Variants in RARB observed in about 807,000 individuals in gnomAD.
The protein encoded by RARB is HBV-activated protein.
In RARB, 17 loss-of-function variants were observed where a neutral mutation model predicts 51.9. That is an observed-to-expected ratio of 0.33 (90% CI 0.22 to 0.49). RARB has a LOEUF of 0.49. Among genes scored for constraint, RARB ranks in the 20% least tolerant of loss-of-function variants. RARB has a pLI of 0.99. For synonymous variants in RARB, 215 were observed against 195.4 expected (o/e 1.10, Z -0.84); for missense variants, 369 against 550.8 (o/e 0.67, Z 3.30).
intron 2 of RARB, among the ~76,000 whole-genome samples, chr3:25,479,349 C>G (rs1696117795): frequency 6.6e-6 from 1 of 152,126 alleles, no homozygotes; most frequent in African/African-American, 2.4e-5. Flanking sequence ...TAAATGGCTG[C>G]TTTGTAAAAT....
At chr3:25,109,560 T>C (rs1409567476) in intron 3 of RARB, among the ~76,000 whole-genome samples, 3 of 152,344 alleles carry the variant, frequency 2.0e-5, no homozygotes, top group Admixed American at 6.5e-5. Context: ...TATTAAAATA[T>C]TGTTACTCAA....
intron 2 of RARB, among the ~76,000 whole-genome samples, chr3:24,932,119 A>C (rs552786909): frequency 6.6e-6 from 1 of 152,118 alleles, no homozygotes; most frequent in South Asian, 2.1e-4. Context: ...TTGTTTACCT[A>C]GTCCAAGTAC....
chr3:25,046,244 T>G (rs928556155), intron 2 of RARB, among the ~76,000 whole-genome samples: 1 of 152,194 alleles, frequency 6.6e-6, no homozygotes, highest in Non-Finnish European at 1.5e-5. Flanking sequence ...GCTCAAAGGC[T>G]TGTGTAATTT....
At chr3:25,491,197 G>A (rs964530030) in intron 2 of RARB, among the ~76,000 whole-genome samples, 23 of 152,244 alleles carry the variant, frequency 1.5e-4, no homozygotes, top group Admixed American at 9.1e-4. Flanking sequence ...GCGTAGATAT[G>A]TGTGCTGTTT....
chr3:24,952,870 C>G (rs1034803457), intron 2 of RARB, among the ~76,000 whole-genome samples: 2 of 144,224 alleles, frequency 1.4e-5, no homozygotes, highest in African/African-American at 5.1e-5. Context: ...AACAGTAAAA[C>G]TGGTATTTTT....
At chr3:24,892,026 A>G (rs988882933) in intron 2 of RARB, among the ~76,000 whole-genome samples, 2 of 152,060 alleles carry the variant, frequency 1.3e-5, no homozygotes, top group East Asian at 3.9e-4. Context: ...GTGCCCACCC[A>G]CAGCCCAGTT....
At chr3:25,393,373 G>A (rs1707026936) in intron 5 of RARB, among the ~76,000 whole-genome samples, 1 of 151,732 alleles carries the variant, frequency 6.6e-6, no homozygotes, top group Admixed American at 6.6e-5. Flanking sequence ...GTCCTTTACT[G>A]GTTTGGATAT....
At chr3:25,244,607 T>G (rs1222936338) in intron 5 of RARB, among the ~76,000 whole-genome samples, 1 of 152,232 alleles carries the variant, frequency 6.6e-6, no homozygotes, top group Non-Finnish European at 1.5e-5. Flanking sequence ...TCAGTTTTCA[T>G]GTGGTTGTGA....
intron 1 of RARB, among the ~76,000 whole-genome samples, chr3:24,841,657 T>C (rs1443332959): frequency 6.6e-6 from 1 of 152,214 alleles, no homozygotes; most frequent in East Asian, 1.9e-4. Context: ...CTAATCCTAA[T>C]AGTCTTTTAA....
chr3:25,508,402 T>C (rs145795764), intron 3 of RARB, among the ~76,000 whole-genome samples: 156 of 152,308 alleles, frequency 1.0e-3, no homozygotes, highest in African/African-American at 3.6e-3. Flanking sequence ...CTGTTAAACT[T>C]AGATTAAAAC....
intron 4 of RARB, among the ~76,000 whole-genome samples, chr3:25,150,208 A>G (rs1224291196): frequency 6.6e-6 from 1 of 152,134 alleles, no homozygotes; most frequent in Non-Finnish European, 1.5e-5. Context: ...CTCAAAAAAA[A>G]AAAAAAATTG....
chr3:25,461,146 A>G, intron 1 of RARB, 47 bp from the exon 2 acceptor site: 1 of 1,504,438 alleles, frequency 6.6e-7, no homozygotes, highest in Non-Finnish European at 8.9e-7. Flanking sequence ...GTAATGAACT[A>G]AAATACATTT....
chr3:24,842,885 G>A (rs78132797), intron 1 of RARB, among the ~76,000 whole-genome samples: 2,251 of 152,308 alleles, frequency 0.015, 56 homozygotes, highest in African/African-American at 0.052. Flanking sequence ...ATAGTCACAT[G>A]TTCGTTCTCT....
chr3:25,098,273 C>T lies in RARB; in HGVS notation c.-327-33888C>T, dbSNP rs1215866814. The stretch of plus-strand genomic sequence containing the variant: ...CTAGGACAGGAATTCTTTCAGCCTA[C>T]CTTCCAGAAAGATTTTCATAACCAC... On this transcript the variant is annotated intron_variant, in intron 3 of 11. Transcript: ENST00000383772. Among the ~76,000 whole-genome samples, 11 of 152,140 alleles carry T rather than the reference C, an allele frequency of 7.2e-5. No individual in the cohort carries two copies. The East Asian group carries it at 1.9e-3, about 27-fold the overall frequency.
chr3:25,477,947 T>A (rs879422636), intron 2 of RARB, among the ~76,000 whole-genome samples: 3 of 152,192 alleles, frequency 2.0e-5, no homozygotes, highest in African/African-American at 7.2e-5. Context: ...TCTTCAGTTA[T>A]AGGTCTCGTA....
At chr3:24,887,660 C>T (rs550637744) in intron 2 of RARB, among the ~76,000 whole-genome samples, 1 of 152,304 alleles carries the variant, frequency 6.6e-6, no homozygotes, top group African/African-American at 2.4e-5. Flanking sequence ...GCTCCTCCTG[C>T]TAGAAGTGAT....
intron 5 of RARB, among the ~76,000 whole-genome samples, chr3:25,396,135 G>C (rs934517911): frequency 6.6e-6 from 1 of 152,124 alleles, no homozygotes. Context: ...TTCTCTTCTG[G>C]GTCTAGCCAC....
chr3:25,360,619 T>C (rs1323248997), intron 5 of RARB, among the ~76,000 whole-genome samples: 1 of 152,158 alleles, frequency 6.6e-6, no homozygotes, highest in African/African-American at 2.4e-5. Flanking sequence ...GGTACCGGTT[T>C]TTCCTTTTCA....
intron 2 of RARB, among the ~76,000 whole-genome samples, chr3:25,495,390 G>C (rs1238561392): frequency 6.6e-6 from 1 of 152,186 alleles, no homozygotes; most frequent in Non-Finnish European, 1.5e-5. Flanking sequence ...TTTGGGTAGA[G>C]AAGGATATTT....
Sources: gnomAD v4.1 joint callset for allele counts (sites outside exome capture counted in the v4.1 genomes callset) on GRCh38, gnomAD v4.1.1 for gene constraint, MANE v1.5 for transcripts, NCBI Gene and HGNC (gene_info 2026-07-23, HGNC 2026-07-21) for gene names.